The following PCDH11X variants were observed in gnomAD, a reference collection of about 807,000 sequenced individuals.
The protein encoded by PCDH11X is protocadherin-11 X-linked.
A neutral mutation model predicts 53.3 loss-of-function variants in PCDH11X; 18 were observed. The ratio of observed to expected loss-of-function variants is 0.34; its 90% CI spans 0.23 to 0.50. The LOEUF is 0.50. Among genes scored for constraint, PCDH11X ranks in the 20% least tolerant of loss-of-function variants. The pLI, the probability that PCDH11X is intolerant of heterozygous loss-of-function variation, is 0.98. For missense variants in PCDH11X, 570 were observed against 1,032.4 expected (o/e 0.55, Z 6.14); for synonymous variants, 279 against 393.3 (o/e 0.71, Z 3.44).
At chrX:92,289,977 A>G (rs1457646591) in intron 8 of PCDH11X, among the ~76,000 whole-genome samples, 1 of 111,652 alleles carries the variant, frequency 9.0e-6, no homozygotes, top group Non-Finnish European at 1.9e-5. Context: ...GAAACATATT[A>G]GTTTAAAACA....
intron 1 of PCDH11X, among the ~76,000 whole-genome samples, chrX:91,799,782 A>G (rs1204626726): frequency 8.9e-6 from 1 of 112,377 alleles, no homozygotes; most frequent in Non-Finnish European, 1.9e-5. Flanking sequence ...GATTGAACTG[A>G]TACCTCATTA....
chrX:91,971,385 T>G (rs191199933), intron 6 of PCDH11X, among the ~76,000 whole-genome samples: 5,597 of 107,937 alleles, frequency 0.052, 129 homozygotes, highest in African/African-American at 0.075. Context: ...TAGACATTTA[T>G]GTCTGGGGGA....
chrX:92,472,130 G>T (rs189600445), intron 10 of PCDH11X, among the ~76,000 whole-genome samples: 1 of 110,176 alleles, frequency 9.1e-6, no homozygotes, highest in Non-Finnish European at 1.9e-5. Flanking sequence ...GTCAGTTTTT[G>T]CTTCTGTTGC....
intron 6 of PCDH11X, among the ~76,000 whole-genome samples, chrX:92,156,828 A>G (rs1228052709): frequency 3.6e-5 from 4 of 111,973 alleles, no homozygotes. Context: ...AAAATCACAT[A>G]CAAAGAATCA....
intron 10 of PCDH11X, among the ~76,000 whole-genome samples, chrX:92,594,240 T>A (rs1169510361): frequency 9.2e-6 from 1 of 108,245 alleles, no homozygotes; most frequent in Non-Finnish European, 1.9e-5. Context: ...GTTTAAACAT[T>A]TGATATTTGA....
At chrX:92,394,110 T>C (rs1345427332) in intron 9 of PCDH11X, among the ~76,000 whole-genome samples, 1 of 111,212 alleles carries the variant, frequency 9.0e-6, no homozygotes, top group Non-Finnish European at 1.9e-5. Context: ...TATATAGGCT[T>C]TGTGAAGGCA....
chrX:92,435,343 C>A (rs1253764317), intron 9 of PCDH11X, among the ~76,000 whole-genome samples: 1 of 110,614 alleles, frequency 9.0e-6, no homozygotes, highest in South Asian at 3.8e-4. Flanking sequence ...GGGGAGAAAG[C>A]AAACAACTTT....
chrX:92,073,421 C>T (rs182409959), intron 6 of PCDH11X, among the ~76,000 whole-genome samples: 422 of 112,330 alleles, frequency 3.8e-3, no homozygotes, highest in Non-Finnish European at 6.1e-3. Flanking sequence ...TGTGTATTGT[C>T]CTTTTACTTT....
intron 1 of PCDH11X, among the ~76,000 whole-genome samples, chrX:91,807,052 A>G (rs887956665): frequency 3.6e-5 from 4 of 110,836 alleles, no homozygotes; most frequent in African/African-American, 1.3e-4. Flanking sequence ...ATAAAGGTGA[A>G]CAGGGGTTGG....
chrX:92,535,000 AACT>A lies in PCDH11X; in HGVS notation c.3367+66683_3367+66685del, dbSNP rs761920207. ...ACCATCTCACACCAGTCATAACGGC[AACT>A]ACTAAAAAGTCAAAATACAACAGAT... On this transcript the variant is annotated intron_variant, in intron 10 of 10. Transcript: ENST00000682573. 9.9e-5 allele frequency among the ~76,000 whole-genome samples: 11 copies of A among 111,514 alleles called. No individual in the cohort carries two copies. In the South Asian group the frequency reaches 4.2e-3, roughly 42 times the overall value.
intron 10 of PCDH11X, among the ~76,000 whole-genome samples, chrX:92,479,300 G>A (rs1242927084): frequency 9.2e-6 from 1 of 108,748 alleles, no homozygotes; most frequent in East Asian, 2.9e-4. Flanking sequence ...ATGGGTCTTG[G>A]TTCTTTATGC....
chrX:92,480,499 G>A (rs926709061), intron 10 of PCDH11X, among the ~76,000 whole-genome samples: 4 of 109,690 alleles, frequency 3.6e-5, no homozygotes, highest in Admixed American at 1.9e-4. Flanking sequence ...TTTAGTCTTC[G>A]AAGTTGCTGT....
At chrX:91,983,393 C>A (rs1250773017) in intron 6 of PCDH11X, 54 of 980,067 alleles carry the variant, frequency 5.5e-5, no homozygotes, top group Non-Finnish European at 7.2e-5. Flanking sequence ...AAATTCCAAC[C>A]CATTCTCAGA....
At chrX:91,907,406 C>CAGAGAG (rs1200633473) in intron 6 of PCDH11X, among the ~76,000 whole-genome samples, 12 of 62,372 alleles carry the variant, frequency 1.9e-4, no homozygotes, top group East Asian at 7.4e-4. Flanking sequence ...CACACACACA[C>CAGAGAG]ACACACAGAG....
chrX:92,263,924 G>A (rs1163232009), intron 8 of PCDH11X, among the ~76,000 whole-genome samples: 3 of 111,962 alleles, frequency 2.7e-5, no homozygotes, highest in Non-Finnish European at 5.6e-5. Flanking sequence ...ATTATGTTTT[G>A]AGGTTTAAAG....
chrX:92,245,042 GA>G (rs1410226120), intron 7 of PCDH11X, among the ~76,000 whole-genome samples: 1 of 112,225 alleles, frequency 8.9e-6, no homozygotes, highest in Non-Finnish European at 1.9e-5. Flanking sequence ...CTGAAAATAA[GA>G]GCTGCACAAT....
At chrX:92,522,881 C>G (rs1452372360) in intron 10 of PCDH11X, among the ~76,000 whole-genome samples, 2 of 111,343 alleles carry the variant, frequency 1.8e-5, no homozygotes, top group African/African-American at 6.5e-5. Flanking sequence ...CAGTCTGACC[C>G]TAAGAATAAT....
chrX:92,478,268 A>C (rs1165494835), intron 10 of PCDH11X, among the ~76,000 whole-genome samples: 3 of 111,046 alleles, frequency 2.7e-5, no homozygotes, highest in Non-Finnish European at 5.7e-5. Context: ...GTTTATAGCA[A>C]TGTAAAAATG....
At chrX:92,340,350 T>C (rs1038521109) in intron 8 of PCDH11X, among the ~76,000 whole-genome samples, 4 of 111,731 alleles carry the variant, frequency 3.6e-5, no homozygotes, top group African/African-American at 1.3e-4. Context: ...AATGCCCCAG[T>C]AGGGACTCTG....
Sources: allele counts gnomAD v4.1 joint callset (sites outside exome capture counted in the v4.1 genomes callset), GRCh38; gene constraint gnomAD v4.1.1; transcripts MANE v1.5; gene names NCBI Gene and HGNC (gene_info 2026-07-23, HGNC 2026-07-21).